WNT4: variants seen among roughly 807,000 people sequenced by gnomAD.
The protein encoded by WNT4 is protein Wnt-4.
Under a neutral mutation model 34.5 loss-of-function variants are expected in WNT4, and 16 were observed. The observed-to-expected ratio is 0.46, with a 90% CI of 0.31 to 0.70. The LOEUF (loss-of-function observed/expected upper bound fraction) is 0.70, where lower values mean the gene tolerates loss of function less well. Ranked by LOEUF, WNT4 falls within the 30% of genes least tolerant of loss-of-function variation. The pLI is 0.04. For synonymous variants in WNT4, 200 were observed against 211.9 expected (o/e 0.94, Z 0.49); for missense variants, 379 against 495.9 (o/e 0.76, Z 2.24).
intron 2 of WNT4, among the ~76,000 whole-genome samples, chr1:22,126,681 G>A (rs1298399815): frequency 6.6e-6 from 1 of 152,214 alleles, no homozygotes; most frequent in Admixed American, 6.5e-5. Context: ...GCTCATGTAT[G>A]CAGGCTCCGG....
Position 22,120,407 on chromosome 1 carries a change from T to C in WNT4, c.699A>G (p.Ala233=), listed in dbSNP as rs200607624. The part of the protein sequence containing the change: ...AVPPFRQVGH[A]LKEKFDGATE... ...TGGCACCATCAAACTTCTCCTTCAGTGCGTGACCCACCTGGCGGAAGGGCG... is the reference window on the plus strand; with the variant it reads ...TGGCACCATCAAACTTCTCCTTCAGCGCGTGACCCACCTGGCGGAAGGGCG... The change falls in exon 5 of 5, where the codon GCA becomes GCG. Residue 233 remains alanine (A), a synonymous_variant. Coordinates refer to ENST00000290167, the MANE Select transcript of WNT4 (RefSeq NM_030761.5). 6.2e-7 allele frequency: 1 copy of C among 1,613,990 alleles called. No individual in the cohort carries two copies. The highest frequency in any genetic ancestry group is 8.5e-7 in the Non-Finnish European group (1 of 1,179,940).
intron 2 of WNT4, chr1:22,127,604 T>G: frequency 2.6e-6 from 1 of 390,690 alleles, no homozygotes; most frequent in Non-Finnish European, 5.3e-6. Context: ...CTAGAAGCAG[T>G]GTGAACACAA....
At chr1:22,128,033 T>TG (rs1347185512) in intron 2 of WNT4, among the ~76,000 whole-genome samples, 5 of 152,334 alleles carry the variant, frequency 3.3e-5, no homozygotes, top group African/African-American at 1.2e-4. Flanking sequence ...AGGCTGTTTC[T>TG]GGGGCTCCAT....
At chr1:22,124,840 C>T (rs760393870) in intron 2 of WNT4, among the ~76,000 whole-genome samples, 5 of 152,284 alleles carry the variant, frequency 3.3e-5, no homozygotes, top group East Asian at 1.9e-4. Flanking sequence ...TGCCAGGGCA[C>T]GTATCTTGTC....
chr1:22,125,115 T>C (rs1645930620), intron 2 of WNT4, among the ~76,000 whole-genome samples: 2 of 152,236 alleles, frequency 1.3e-5, no homozygotes, highest in Non-Finnish European at 1.5e-5. Flanking sequence ...CAGTGTGACC[T>C]TTCTTTCTGA....
intron 1 of WNT4, among the ~76,000 whole-genome samples, chr1:22,130,478 G>A (rs373351368): frequency 1.3e-5 from 2 of 152,246 alleles, no homozygotes; most frequent in Non-Finnish European, 2.9e-5. Flanking sequence ...CTGTGTGGAC[G>A]CTTCAAAAGC....
intron 2 of WNT4, among the ~76,000 whole-genome samples, chr1:22,128,815 G>A (rs1645959846): frequency 6.6e-6 from 1 of 152,000 alleles, no homozygotes; most frequent in African/African-American, 2.4e-5. Flanking sequence ...CGCCTCCTGG[G>A]TTCACACCAT....
chr1:22,129,022 C>T (rs1645961950), intron 2 of WNT4, among the ~76,000 whole-genome samples: 1 of 152,220 alleles, frequency 6.6e-6, no homozygotes, highest in Non-Finnish European at 1.5e-5. Flanking sequence ...GCCCAGCTGG[C>T]TCTGCCACTT....
chr1:22,140,377 G>T lies in WNT4; in HGVS notation c.77+2469C>A. ...CTGTAACGGGATTGAAACGTTGTTG[G>T]GATTTAGATCATGCTGTGGGAGTCA... On this transcript the variant is annotated intron_variant, in intron 1 of 4. Coordinates refer to ENST00000290167, the MANE Select transcript of WNT4 (RefSeq NM_030761.5). This position sits in a 1 kb window ranked among gnomAD's most constrained non-coding sequence, Gnocchi z 5.9. 1.7e-6 allele frequency: 1 copy of T among 575,946 alleles called. No individual in the cohort carries two copies. Among genetic ancestry groups the T allele is most frequent in the Non-Finnish European group, 2.2e-6 (1 of 455,872 alleles). The allele number at this position is 575,946 out of a possible 1,614,324, so 35.7% of individuals were successfully genotyped here. A position where few individuals can be genotyped will look rare whatever the true frequency, so the allele number is the denominator to read the frequency against.
In WNT4 at chr1:22,134,370, G is replaced by C. The variant is rs1231517577; in HGVS notation, c.78-4519C>G. Among the ~76,000 whole-genome samples, 1 of 152,154 alleles carries C rather than the reference G, an allele frequency of 6.6e-6. No individual in the cohort carries two copies. Among genetic ancestry groups the C allele is most frequent in the Admixed American group, 6.5e-5 (1 of 15,286 alleles). ...TCCCCATCTAGGACTGTGTTCTTAG[G>C]GGGATGGTACCTGGTTTCCCAAGAT... On this transcript the variant is annotated intron_variant, in intron 1 of 4. Coordinates refer to ENST00000290167, the MANE Select transcript of WNT4 (RefSeq NM_030761.5). This position sits in a 1 kb window ranked among gnomAD's most constrained non-coding sequence, Gnocchi z 4.1.
In WNT4 at chr1:22,138,981, C is replaced by T. The variant is rs571447741; in HGVS notation, c.77+3865G>A. Among the ~76,000 whole-genome samples the T allele has an allele frequency of 1.2e-3, 181 of 152,342 alleles. 1 individual carries two copies. Among genetic ancestry groups the T allele is most frequent in the Non-Finnish European group, 2.2e-3 (147 of 68,004 alleles). On this transcript the variant is annotated intron_variant, in intron 1 of 4. Transcript: ENST00000290167. ...TGCGTCCTTCACTGCCCCCAGGGCA[C>T]GGAAAGGTGCTCCCAGCAGCAACTC... is the stretch of plus-strand genomic sequence containing the variant.
At chr1:22,125,124 G>T (rs1458395616) in intron 2 of WNT4, among the ~76,000 whole-genome samples, 1 of 152,144 alleles carries the variant, frequency 6.6e-6, no homozygotes, top group Non-Finnish European at 1.5e-5. Flanking sequence ...CTTTCTTTCT[G>T]AGCCTTCCTG....
chr1:22,127,539 G>C, intron 2 of WNT4: 1 of 501,922 alleles, frequency 2.0e-6, no homozygotes, highest in South Asian at 1.5e-5. Flanking sequence ...CCGAGTCCTA[G>C]TGATGGGGGA....
At position 22,129,870 on chromosome 1, in the gene WNT4, G is replaced by A. The variant is rs764206364; in HGVS notation, c.78-19C>T. On this transcript the variant is annotated intron_variant, in intron 1 of 4. Coordinates refer to ENST00000290167, the MANE Select transcript of WNT4 (RefSeq NM_030761.5). Reference sequence around the variant, plus strand: ...CAGGTACCTGGGGAGAGGGTGACACGTGATGCAGAGCCCACCTCCTCATCT... The same window carrying A: ...CAGGTACCTGGGGAGAGGGTGACACATGATGCAGAGCCCACCTCCTCATCT... 5 of 1,612,140 alleles carry A rather than the reference G, an allele frequency of 3.1e-6. No homozygotes were observed. Among genetic ancestry groups the A allele is most frequent in the South Asian group, 2.2e-5 (2 of 91,052 alleles).
chr1:22,136,748 G>A (rs780568186), intron 1 of WNT4, among the ~76,000 whole-genome samples: 1 of 152,188 alleles, frequency 6.6e-6, no homozygotes, highest in African/African-American at 2.4e-5. Flanking sequence ...CCTGATGTGA[G>A]GAAGTGCTCG....
chr1:22,122,454 T>C (rs1232660132), intron 2 of WNT4, among the ~76,000 whole-genome samples: 1 of 152,082 alleles, frequency 6.6e-6, no homozygotes, highest in East Asian at 1.9e-4. Flanking sequence ...CTCGCCTGAA[T>C]GGATGTTTTT....
At chr1:22,133,894 A>C (rs770063425) in intron 1 of WNT4, among the ~76,000 whole-genome samples, 2 of 152,182 alleles carry the variant, frequency 1.3e-5, no homozygotes, top group Non-Finnish European at 2.9e-5. Context: ...AGATCCTCTC[A>C]GCCACCTGCT....
chr1:22,126,689 C>T (rs1645942966), intron 2 of WNT4, among the ~76,000 whole-genome samples: 1 of 152,228 alleles, frequency 6.6e-6, no homozygotes, highest in Admixed American at 6.5e-5. Context: ...ATGCAGGCTC[C>T]GGCCATGCCC....
rs374814132 is a variant in WNT4 at position 22,120,079 on chromosome 1, G to T, written c.1027C>A (p.Arg343=). 2 of 1,611,396 alleles carry T rather than the reference G, an allele frequency of 1.2e-6. No individual in the cohort carries two copies. Among genetic ancestry groups the T allele is most frequent in the Admixed American group, 1.7e-5 (1 of 60,000 alleles). ...CGGCACGTGTGCAACTCCACGAGCC[G>T]CTGGCACTGCCGGCACTTGACGAAG... The part of the protein sequence containing the change: ...CCFVKCRQCQ[R]LVELHTCR Residue 343 remains arginine (R), a synonymous_variant, in exon 5 of 5, where the codon CGG becomes AGG. Transcript: ENST00000290167.
Sources: allele counts gnomAD v4.1 joint callset (sites outside exome capture counted in the v4.1 genomes callset), GRCh38; gene constraint gnomAD v4.1.1; non-coding constraint Gnocchi (gnomAD v3.1); transcripts MANE v1.5; gene names NCBI Gene and HGNC (gene_info 2026-07-23, HGNC 2026-07-21).